The following CACNA2D1 variants were observed in gnomAD, a reference collection of about 807,000 sequenced individuals.
CACNA2D1 encodes calcium voltage-gated channel auxiliary subunit alpha2delta 1.
A neutral mutation model predicts 171.5 loss-of-function variants in CACNA2D1; 53 were observed. That is an observed-to-expected ratio of 0.31 (90% CI 0.25 to 0.39). The LOEUF (loss-of-function observed/expected upper bound fraction) is 0.39. CACNA2D1 is among the 10% of genes least tolerant of loss of function. The pLI is 1.00. For synonymous variants in CACNA2D1, 442 were observed against 443.1 expected, an observed-to-expected ratio of 1.00 and a Z score of 0.03; for missense variants, 903 against 1,299.8, an observed-to-expected ratio of 0.69 and a Z score of 4.69.
intron 1 of CACNA2D1, among the ~76,000 whole-genome samples, chr7:82,399,431 C>T (rs1826104681): frequency 6.6e-6 from 1 of 150,780 alleles, no homozygotes; most frequent in Non-Finnish European, 1.5e-5. Context: ...CAGAGCAAGA[C>T]TCCATCTCAA....
At chr7:82,432,814 C>T (rs1292314514) in intron 1 of CACNA2D1, among the ~76,000 whole-genome samples, 1 of 152,176 alleles carries the variant, frequency 6.6e-6, no homozygotes, top group African/African-American at 2.4e-5. Flanking sequence ...AAGGAAAGAA[C>T]TATTTGTTCT....
At chr7:81,970,578 G>T (rs964238685) in intron 27 of CACNA2D1, 97 bp downstream of exon 27, 4 of 772,380 alleles carry the variant, frequency 5.2e-6, no homozygotes, top group African/African-American at 3.4e-5. Flanking sequence ...ATGGCAATCA[G>T]TTTATTTGAA....
chr7:82,181,595 G>T (rs1797147412), intron 3 of CACNA2D1, among the ~76,000 whole-genome samples: 1 of 152,154 alleles, frequency 6.6e-6, no homozygotes, highest in Admixed American at 6.5e-5. Context: ...TGCTCTAAAA[G>T]AAAACTTCAC....
chr7:82,435,154 G>C (rs2129459280), intron 1 of CACNA2D1, among the ~76,000 whole-genome samples: 1 of 148,874 alleles, frequency 6.7e-6, no homozygotes, highest in South Asian at 2.2e-4. Context: ...CCCTGCCTCA[G>C]CCTCCTCAGC....
chr7:82,137,738 G>GGCGT (rs1163839736), intron 4 of CACNA2D1, among the ~76,000 whole-genome samples: 2 of 87,204 alleles, frequency 2.3e-5, no homozygotes, highest in African/African-American at 1.0e-4. Flanking sequence ...AAATTAGCCG[G>GGCGT]GCGTGGTGGC....
At chr7:82,034,922 C>G (rs1803120480) in intron 11 of CACNA2D1, among the ~76,000 whole-genome samples, 1 of 151,970 alleles carries the variant, frequency 6.6e-6, no homozygotes. Context: ...AATTGTTTTG[C>G]CTTCAACATG....
intron 6 of CACNA2D1, among the ~76,000 whole-genome samples, chr7:82,098,043 G>A (rs1348219525): frequency 6.6e-6 from 1 of 152,084 alleles, no homozygotes; most frequent in African/African-American, 2.4e-5. Flanking sequence ...GAACCCACGA[G>A]GCAGTGGTTG....
chr7:82,208,512 G>A (rs1049822305), intron 3 of CACNA2D1, among the ~76,000 whole-genome samples: 3 of 152,046 alleles, frequency 2.0e-5, no homozygotes, highest in Non-Finnish European at 2.9e-5. Flanking sequence ...TTCCCAATGT[G>A]TTTTTAAACA....
At chr7:82,300,553 A>T (rs2129424685) in intron 3 of CACNA2D1, among the ~76,000 whole-genome samples, 1 of 152,282 alleles carries the variant, frequency 6.6e-6, no homozygotes, top group African/African-American at 2.4e-5. Flanking sequence ...TGCTACCGTA[A>T]GTATGCAGGA....
At chr7:82,278,839 G>C (rs1585314840) in intron 3 of CACNA2D1, among the ~76,000 whole-genome samples, 1 of 152,164 alleles carries the variant, frequency 6.6e-6, no homozygotes, top group Middle Eastern at 3.4e-3. Context: ...AGATACAGAG[G>C]GGTAAGACTT....
intron 3 of CACNA2D1, among the ~76,000 whole-genome samples, chr7:82,239,840 G>A (rs149980843): frequency 3.9e-4 from 59 of 152,232 alleles, no homozygotes; most frequent in Non-Finnish European, 6.5e-4. Flanking sequence ...ATTTGACTCT[G>A]TGCTTCTGAT....
chr7:82,076,276 C>T (rs1208151886), intron 7 of CACNA2D1, among the ~76,000 whole-genome samples: 1 of 152,104 alleles, frequency 6.6e-6, no homozygotes, highest in Non-Finnish European at 1.5e-5. Flanking sequence ...CCACACAACA[C>T]AATTGATGGA....
intron 5 of CACNA2D1, among the ~76,000 whole-genome samples, chr7:82,130,791 C>CTTTTT (rs71093363): frequency 9.4e-5 from 10 of 105,860 alleles, no homozygotes; most frequent in African/African-American, 1.2e-4. Context: ...TTGTTTTTGT[C>CTTTTT]TTTTTTTTTT....
chr7:82,239,728 T>C (rs1563245051), intron 3 of CACNA2D1, among the ~76,000 whole-genome samples: 1 of 152,004 alleles, frequency 6.6e-6, no homozygotes, highest in African/African-American at 2.4e-5. Context: ...CTTTTTTTCA[T>C]TAGATTAGGA....
At chr7:82,153,051 A>G (rs1279703051) in intron 4 of CACNA2D1, among the ~76,000 whole-genome samples, 2 of 150,598 alleles carry the variant, frequency 1.3e-5, no homozygotes, top group African/African-American at 4.9e-5. Context: ...AGTAACATTC[A>G]AAGTAGATTG....
At position 82,156,272 on chromosome 7, in the gene CACNA2D1, G is replaced by C. The variant is rs143716922; in HGVS notation, c.354+14278C>G. 4.5e-3 allele frequency among the ~76,000 whole-genome samples: 690 copies of C among 152,186 alleles called. 5 individuals carry two copies. The highest frequency in any genetic ancestry group is 0.015 in the African/African-American group (615 of 41,536). ...CAATCAGTGTCATCATGGCTATTTA[G>C]TTACTTGTTTTGTTGACTTCTCTTT... On this transcript the variant is annotated intron_variant, in intron 4 of 38. Transcript: ENST00000356860.
At chr7:82,398,582 CT>C (rs145399408) in intron 1 of CACNA2D1, among the ~76,000 whole-genome samples, 30,614 of 144,274 alleles carry the variant, frequency 0.21, 3,935 homozygotes, top group East Asian at 0.58. Flanking sequence ...TTTCTTTCTC[CT>C]TTTTTTTTTT....
chr7:82,349,760 T>C, intron 1 of CACNA2D1, 111 bp from the exon 2 acceptor site: 2 of 866,646 alleles, frequency 2.3e-6, no homozygotes, highest in Non-Finnish European at 3.9e-6. Context: ...CCTTAAATTA[T>C]TCCTCTCCCT....
chr7:82,438,008 T>C (rs1830231956), intron 1 of CACNA2D1, among the ~76,000 whole-genome samples: 1 of 152,160 alleles, frequency 6.6e-6, no homozygotes, highest in African/African-American at 2.4e-5. Flanking sequence ...ATGGTATAGT[T>C]TCTTTCTCAC....
Sources: allele counts gnomAD v4.1 joint callset (sites outside exome capture counted in the v4.1 genomes callset), GRCh38; gene constraint gnomAD v4.1.1; transcripts MANE v1.5; gene names NCBI Gene and HGNC (gene_info 2026-07-23, HGNC 2026-07-21).